Variants in SCN8A observed in about 807,000 individuals in gnomAD.
SCN8A encodes sodium channel protein type 8 subunit alpha.
Under a neutral mutation model 184.1 loss-of-function variants are expected in SCN8A, and 30 were observed. The observed-to-expected ratio is 0.16, with a 90% CI of 0.12 to 0.22. The LOEUF is 0.22. Ranked by LOEUF, SCN8A falls within the 10% of genes least tolerant of loss-of-function variation. The pLI is 1.00. For missense variants in SCN8A, 1,057 were observed against 2,498.9 expected, an observed-to-expected ratio of 0.42 and a Z score of 12.30; for synonymous variants, 852 against 907.0, an observed-to-expected ratio of 0.94 and a Z score of 1.09.
chr12:51,788,765 C>A lies in SCN8A; in HGVS notation c.4281+17C>A, dbSNP rs369762196. 2.6e-5 allele frequency: 42 copies of A among 1,601,976 alleles called. No individual in the cohort carries two copies. The highest frequency in any genetic ancestry group is 3.3e-5 in the Non-Finnish European group (39 of 1,173,366). ...TCCCGGAAGGTAAGGATGTACATGG[C>A]GAAAATACCACCTTCTCAGATGGCT... On this transcript the variant is annotated intron_variant, in intron 23 of 26. Coordinates refer to ENST00000627620, the MANE Select transcript of SCN8A (RefSeq NM_001330260.2).
rs7312663 is a variant in SCN8A, at chr12:51,775,923, T to C, written c.3819+1561T>C. Among the ~76,000 whole-genome samples the C allele has an allele frequency of 7.7e-3, 1,173 of 152,332 alleles. 16 individuals carry two copies. The highest frequency in any genetic ancestry group is 0.034 in the Middle Eastern group (10 of 294). Reference sequence around the variant, plus strand: ...TGAGCTACCCAGAATTTGAGGATATTGATCAGGTATCCCACATGCCCCTGC... The same window carrying C: ...TGAGCTACCCAGAATTTGAGGATATCGATCAGGTATCCCACATGCCCCTGC... On this transcript the variant is annotated intron_variant, in intron 20 of 26. Transcript: ENST00000627620.
At chr12:51,614,058 T>G (rs1237852092) in intron 1 of SCN8A, among the ~76,000 whole-genome samples, 1 of 152,176 alleles carries the variant, frequency 6.6e-6, no homozygotes. Context: ...TGATATCTAT[T>G]CAAGTTGGTT....
At chr12:51,724,535 A>G (rs1565900997) in intron 12 of SCN8A, among the ~76,000 whole-genome samples, 1 of 152,234 alleles carries the variant, frequency 6.6e-6, no homozygotes. Flanking sequence ...TTATCTTTAC[A>G]TTTAATTTTT....
intron 26 of SCN8A, among the ~76,000 whole-genome samples, chr12:51,800,284 A>G (rs1938520476): frequency 6.6e-6 from 1 of 152,254 alleles, no homozygotes; most frequent in African/African-American, 2.4e-5. Context: ...CATCTGGTAC[A>G]GCAGCTGCAG....
At position 51,745,917 on chromosome 12, in the gene SCN8A, G is replaced by A; in HGVS notation, c.2013G>A (p.Val671=). The change falls in exon 13 of 27, where the codon GTG becomes GTA. Residue 671 remains valine (V), a synonymous_variant. Transcript: ENST00000627620. ...GRLLPEATTE[V]EIKKKGPGSL... ...TTTTTTTAAAGGCTACAACTGAGGT[G>A]GAAATTAAGAAGAAAGGCCCTGGAT... 6.3e-7 allele frequency: 1 copy of A among 1,587,664 alleles called. No individual in the cohort carries two copies. The highest frequency in any genetic ancestry group is 8.5e-7 in the Non-Finnish European group (1 of 1,171,428).
Position 51,751,338 on chromosome 12 carries a change from G to A in SCN8A, c.2132-17G>A, listed in dbSNP as rs766584774. The A allele has an allele frequency of 1.3e-6, 2 of 1,577,776 alleles. No individual in the cohort carries two copies. Among genetic ancestry groups the A allele is most frequent in the Non-Finnish European group, 1.7e-6 (2 of 1,150,134 alleles). On this transcript the variant is annotated splice_polypyrimidine_tract_variant and intron_variant, in intron 13 of 26. Coordinates refer to ENST00000627620, the MANE Select transcript of SCN8A (RefSeq NM_001330260.2). The stretch of plus-strand genomic sequence containing the variant: ...TTGCTGTGATTGAGGGGCCATCTTT[G>A]TTCTTACTTACTGTAGAACTGGAAG...
At chr12:51,669,770 A>G (rs55759226) in intron 2 of SCN8A, among the ~76,000 whole-genome samples, 3,580 of 152,202 alleles carry the variant, frequency 0.024, 118 homozygotes, top group African/African-American at 0.079. Flanking sequence ...TTTCACTAAT[A>G]TTAGTGCCAT....
chr12:51,695,048 T>G (rs1438060014), intron 6 of SCN8A, among the ~76,000 whole-genome samples: 1 of 152,226 alleles, frequency 6.6e-6, no homozygotes, highest in Non-Finnish European at 1.5e-5. Flanking sequence ...TCATGTGCCT[T>G]CCTTTACCTG....
chr12:51,608,187 A>AT (rs897441416), intron 1 of SCN8A, among the ~76,000 whole-genome samples: 13 of 151,046 alleles, frequency 8.6e-5, no homozygotes, highest in Non-Finnish European at 1.2e-4. Context: ...TGCCCGGCTA[A>AT]TTTTTTTTGT....
At chr12:51,690,619 C>A (rs1186995188) in intron 6 of SCN8A, among the ~76,000 whole-genome samples, 1 of 152,214 alleles carries the variant, frequency 6.6e-6, no homozygotes, top group Non-Finnish European at 1.5e-5. Context: ...GCATCAGCCT[C>A]CCAAAGTGCT....
At position 51,751,316 on chromosome 12, in the gene SCN8A, CT is replaced by C. The variant is rs767970136; in HGVS notation, c.2132-38del. The C allele has an allele frequency of 5.1e-6, 7 of 1,381,952 alleles. No homozygotes were observed. The South Asian group carries it at 8.6e-5, about 17-fold the overall frequency. 85.6% of individuals were successfully genotyped at this position (1,381,952 alleles called of 1,614,324 possible). A position where few individuals can be genotyped will look rare whatever the true frequency, so the allele number is the denominator to read the frequency against. On this transcript the variant is annotated intron_variant, in intron 13 of 26. Coordinates refer to ENST00000627620, the MANE Select transcript of SCN8A (RefSeq NM_001330260.2). ...GTAGTGTGTCCCCCTGGTTTTCTTG[CT>C]GTGATTGAGGGGCCATCTTTGTTCT...
intron 2 of SCN8A, among the ~76,000 whole-genome samples, chr12:51,673,611 G>A (rs1454829849): frequency 6.6e-6 from 1 of 152,192 alleles, no homozygotes; most frequent in Non-Finnish European, 1.5e-5. Flanking sequence ...TTTAGCTATA[G>A]TATTTCTTTA....
intron 16 of SCN8A, among the ~76,000 whole-genome samples, chr12:51,766,985 T>C (rs1424675906): frequency 6.6e-6 from 1 of 152,206 alleles, no homozygotes; most frequent in Non-Finnish European, 1.5e-5. Context: ...ATTAGTTCTC[T>C]TCCTTTTTCT....
intron 21 of SCN8A, among the ~76,000 whole-genome samples, chr12:51,783,312 T>A: frequency 6.6e-6 from 1 of 152,234 alleles, no homozygotes; most frequent in East Asian, 1.9e-4. Flanking sequence ...GGGGCATTTT[T>A]TTTTTATTCT....
chr12:51,770,149 G>C, intron 18 of SCN8A, 164 bp downstream of exon 18: 1 of 627,370 alleles, frequency 1.6e-6, no homozygotes, highest in Non-Finnish European at 2.8e-6. Context: ...TCCCCTATTT[G>C]TATCTGACAA....
chr12:51,809,876 G>A lies in SCN8A; in HGVS notation c.*2447G>A, dbSNP rs932754911. The A allele has an allele frequency of 6.6e-6, 1 of 152,164 alleles. No homozygotes were observed. Among genetic ancestry groups the A allele is most frequent in the South Asian group, 2.1e-4 (1 of 4,814 alleles). The allele number at this position is 152,164 out of a possible 1,614,324, so 9.4% of individuals were successfully genotyped here. A position where few individuals can be genotyped will look rare whatever the true frequency, so the allele number is the denominator to read the frequency against. ...CCAATGTACATCCCCAAACCAGACA[G>A]ACAGACAAAAAATTTTTTATTGCTA... is the stretch of plus-strand genomic sequence containing the variant. On this transcript the variant is annotated 3_prime_UTR_variant, in exon 27 of 27. Transcript: ENST00000627620.
At chr12:51,801,213 C>G (rs964484677) in intron 26 of SCN8A, among the ~76,000 whole-genome samples, 1 of 152,192 alleles carries the variant, frequency 6.6e-6, no homozygotes, top group African/African-American at 2.4e-5. Context: ...CCCACCTTGC[C>G]TTTGACAGTT....
chr12:51,774,014 A>T (rs1373627922), intron 19 of SCN8A, among the ~76,000 whole-genome samples, 175 bp from the exon 20 acceptor site: 2 of 152,206 alleles, frequency 1.3e-5, no homozygotes, highest in African/African-American at 4.8e-5. Context: ...TGTGGATTGT[A>T]TCTCAATAAA....
chr12:51,699,839 G>A (rs749243902), intron 7 of SCN8A, 48 bp downstream of exon 7: 3 of 1,488,128 alleles, frequency 2.0e-6, no homozygotes, highest in South Asian at 1.2e-5. Flanking sequence ...TCTATTCCTA[G>A]TTCACATGGT....
Sources: allele counts gnomAD v4.1 joint callset (sites outside exome capture counted in the v4.1 genomes callset), GRCh38; gene constraint gnomAD v4.1.1; transcripts MANE v1.5; gene names NCBI Gene and HGNC (gene_info 2026-07-23, HGNC 2026-07-21).